Variants in ZNF536 observed in about 807,000 individuals in gnomAD.
ZNF536 encodes zinc finger protein 536.
In ZNF536, 13 loss-of-function variants were observed where a neutral mutation model predicts 84.5. That is an observed-to-expected ratio of 0.15 (90% CI 0.10 to 0.24). The LOEUF is 0.24. Among genes scored for constraint, ZNF536 ranks in the 10% least tolerant of loss-of-function variants. ZNF536 has a pLI of 1.00. For synonymous variants in ZNF536, 811 were observed against 742.5 expected, an observed-to-expected ratio of 1.09 and a Z score of -1.50; for missense variants, 1,536 against 1,747.5, an observed-to-expected ratio of 0.88 and a Z score of 2.16.
chr19:30,450,920 C>CT (rs1211570341), intron 2 of ZNF536, among the ~76,000 whole-genome samples: 1 of 152,156 alleles, frequency 6.6e-6, no homozygotes, highest in Non-Finnish European at 1.5e-5. Flanking sequence ...AAAAGCTGCA[C>CT]TTTTTTTAAA....
chr19:30,709,838 A>G (rs1410597152), intron 1 of ZNF536, among the ~76,000 whole-genome samples: 1 of 152,180 alleles, frequency 6.6e-6, no homozygotes, highest in Non-Finnish European at 1.5e-5. Flanking sequence ...GCTGATCTCA[A>G]ACTCCTGGGC....
intron 1 of ZNF536, among the ~76,000 whole-genome samples, chr19:30,385,587 A>G (rs1046090658): frequency 1.4e-4 from 21 of 152,022 alleles, no homozygotes; most frequent in African/African-American, 5.1e-4. Flanking sequence ...TTGACATTCA[A>G]GGCATCTCCC....
At chr19:30,314,360 C>T (rs757899847) in intron 2 of ZNF536, among the ~76,000 whole-genome samples, 44 of 152,182 alleles carry the variant, frequency 2.9e-4, no homozygotes, top group East Asian at 1.5e-3. Context: ...GCCCTGGTTC[C>T]GAGACTCTGC....
chr19:30,483,333 T>C (rs2054163702), intron 2 of ZNF536, among the ~76,000 whole-genome samples: 1 of 152,224 alleles, frequency 6.6e-6, no homozygotes, highest in African/African-American at 2.4e-5. Flanking sequence ...GGGAAATGCA[T>C]CAGAGTCCCA....
At chr19:30,648,280 A>G (rs1325328479) in intron 1 of ZNF536, among the ~76,000 whole-genome samples, 1 of 152,172 alleles carries the variant, frequency 6.6e-6, no homozygotes, top group Non-Finnish European at 1.5e-5. Flanking sequence ...AAGCCTCCTC[A>G]GATAGCACTG....
At chr19:30,380,396 C>T (rs1365334284) in intron 1 of ZNF536, among the ~76,000 whole-genome samples, 2 of 152,154 alleles carry the variant, frequency 1.3e-5, no homozygotes, top group Non-Finnish European at 2.9e-5. Flanking sequence ...CAGTGCATGG[C>T]CCAGACCATG....
intron 1 of ZNF536, among the ~76,000 whole-genome samples, chr19:30,668,293 G>A (rs2050410805): frequency 6.6e-6 from 1 of 152,134 alleles, no homozygotes; most frequent in African/African-American, 2.4e-5. Flanking sequence ...GGGAGGGGGT[G>A]TGATTGACTT....
Position 30,303,855 on chromosome 19 carries a change from C to T in ZNF536, c.-120+19714C>T, listed in dbSNP as rs757830044. On this transcript the variant is annotated intron_variant, in intron 2 of 5. Transcript: ENST00000585628. The stretch of plus-strand genomic sequence containing the variant: ...GGTGCCCCTTGGCAGCCACTCACCA[C>T]TCAGGGTGAGGCTTCCTCACACCAG... 3.5e-4 allele frequency among the ~76,000 whole-genome samples: 53 copies of T among 152,170 alleles called. 1 individual carries two copies. The highest frequency in any genetic ancestry group is 1.0e-4 in the Non-Finnish European group (7 of 68,024).
At chr19:30,504,061 A>G (rs1426832707) in intron 2 of ZNF536, among the ~76,000 whole-genome samples, 2 of 152,156 alleles carry the variant, frequency 1.3e-5, no homozygotes, top group Admixed American at 1.3e-4. Context: ...ACAAATCAAT[A>G]AAGAAAATAA....
intron 2 of ZNF536, among the ~76,000 whole-genome samples, chr19:30,505,305 T>C (rs578144631): frequency 7.0e-4 from 103 of 147,500 alleles, no homozygotes; most frequent in African/African-American, 2.5e-3. Context: ...ATATATGTTA[T>C]AAATTTTAAT....
Position 30,405,727 on chromosome 19 carries a change from T to C in ZNF536, c.-3+33171T>C, listed in dbSNP as rs542821033. On this transcript the variant is annotated intron_variant, in intron 1 of 4. Transcript: ENST00000355537. The stretch of plus-strand genomic sequence containing the variant: ...ACCTTTGCATCCTGCCTACTGGAAA[T>C]TGGATTACTTACTGAAGAATGTGGA... Among the ~76,000 whole-genome samples the C allele has an allele frequency of 1.3e-5, 2 of 152,154 alleles. 1 individual carries two copies. The highest frequency in any genetic ancestry group is 1.3e-4 in the Admixed American group (2 of 15,270).
chr19:30,230,053 G>C (rs1599808875), intron 1 of ZNF536, among the ~76,000 whole-genome samples: 1 of 152,198 alleles, frequency 6.6e-6, no homozygotes, highest in African/African-American at 2.4e-5. Context: ...ACCAATGGCA[G>C]GGACTCTGAG....
intron 1 of ZNF536, among the ~76,000 whole-genome samples, chr19:30,415,237 CT>C (rs1279879561): frequency 1.9e-5 from 2 of 103,340 alleles, no homozygotes; most frequent in Non-Finnish European, 3.9e-5. Context: ...CTCCCTCCCC[CT>C]CCTCCTCTTC....
chr19:30,703,449 G>T (rs2052083049), intron 1 of ZNF536, among the ~76,000 whole-genome samples: 1 of 152,134 alleles, frequency 6.6e-6, no homozygotes, highest in Non-Finnish European at 1.5e-5. Flanking sequence ...CTGGCAAGAG[G>T]CCTCACCCAC....
At chr19:30,229,062 C>A (rs546290083) in intron 1 of ZNF536, among the ~76,000 whole-genome samples, 3 of 151,982 alleles carry the variant, frequency 2.0e-5, no homozygotes, top group Non-Finnish European at 4.4e-5. Flanking sequence ...CGCGCCGCGC[C>A]GTAAATGCAA....
intron 2 of ZNF536, among the ~76,000 whole-genome samples, chr19:30,313,112 C>T (rs557806538): frequency 8.5e-5 from 13 of 152,324 alleles, no homozygotes; most frequent in South Asian, 8.3e-4. Flanking sequence ...GTGACAAGGC[C>T]GTGGCAGACA....
intron 1 of ZNF536, among the ~76,000 whole-genome samples, chr19:30,596,749 T>A (rs1044763453): frequency 2.1e-4 from 32 of 151,616 alleles, no homozygotes; most frequent in Non-Finnish European, 3.2e-4. Flanking sequence ...TTAAGGAAAC[T>A]TTTTTTGCGA....
At chr19:30,560,844 A>G (rs2046137864), downstream of ZNF536, among the ~76,000 whole-genome samples, 1 of 152,248 alleles carries the variant, frequency 6.6e-6, no homozygotes, top group South Asian at 2.1e-4. Flanking sequence ...ATTAAATTAC[A>G]TCCCCAAATC....
rs557356649 is a variant in ZNF536 at position 30,273,782 on chromosome 19, C to T, written c.-189-10290C>T. Among the ~76,000 whole-genome samples the T allele has an allele frequency of 6.6e-5, 10 of 152,280 alleles. 1 individual carries two copies. Among genetic ancestry groups the T allele is most frequent in the East Asian group, 3.9e-4 (2 of 5,186 alleles). On this transcript the variant is annotated intron_variant, in intron 1 of 5. Transcript: ENST00000585628. ...TTATTTTTATGTGGCCGAGCAGCAT[C>T]GATTTGCATTTGAAACCTGAGATTT...
Sources: allele counts gnomAD v4.1 joint callset (sites outside exome capture counted in the v4.1 genomes callset), GRCh38; gene constraint gnomAD v4.1.1; transcripts MANE v1.5; gene names NCBI Gene and HGNC (gene_info 2026-07-23, HGNC 2026-07-21).